CCDC178: variants seen among roughly 807,000 people sequenced by gnomAD.
CCDC178 encodes coiled-coil domain containing 178, also known as coiled-coil domain-containing protein 178.
CCDC178 carries 126 observed loss-of-function variants against 117.4 expected under a neutral mutation model. The observed-to-expected ratio is 1.07, with a 90% CI of 0.93 to 1.24. The LOEUF is 1.24. Ranked by LOEUF, CCDC178 falls within the 50% of genes most tolerant of loss-of-function variation. CCDC178 has a pLI of 0.00. For missense variants in CCDC178, 1,030 were observed against 986.9 expected (o/e 1.04, Z -0.59); for synonymous variants, 283 against 313.4 (o/e 0.90, Z 1.02).
rs537867849 is a variant in CCDC178, at chr18:33,069,203, A to C, written c.2388+23558T>G. 1.7e-4 allele frequency among the ~76,000 whole-genome samples: 26 copies of C among 152,262 alleles called. No individual in the cohort carries two copies. The South Asian group carries it at 5.2e-3, about 30-fold the overall frequency. ...AAAATCCTAAAATTTGTATGAAACA[A>C]AAAAGGCTGAATAGCCAAAGCAATC... On this transcript the variant is annotated intron_variant, in intron 21 of 22. Coordinates refer to ENST00000383096, the MANE Select transcript of CCDC178 (RefSeq NM_001105528.4).
chr18:33,215,062 C>T (rs1451724811), intron 19 of CCDC178, among the ~76,000 whole-genome samples: 4 of 151,906 alleles, frequency 2.6e-5, no homozygotes. Flanking sequence ...TCTCTCAGGA[C>T]TTACTAACCC....
Position 32,988,073 on chromosome 18 carries a change from G to A in CCDC178, c.2389-13392C>T, listed in dbSNP as rs531767512. Among the ~76,000 whole-genome samples, 510 of 99,692 alleles carry A rather than the reference G, an allele frequency of 5.1e-3. 3 individuals carry two copies. Among genetic ancestry groups the A allele is most frequent in the African/African-American group, 0.018 (480 of 27,426 alleles). 65.4% of individuals were successfully genotyped at this position (99,692 alleles called of 152,430 possible). On this transcript the variant is annotated intron_variant, in intron 21 of 22. Transcript: ENST00000383096. ...GCCTGGGCAACAAGAGTGAAAATCC[G>A]TCTCAAAATAATAATAATAATAATA...
Position 33,347,283 on chromosome 18 carries a change from C to T in CCDC178, c.458-872G>A, listed in dbSNP as rs150954917. Among the ~76,000 whole-genome samples, 495 of 152,170 alleles carry T rather than the reference C, an allele frequency of 3.3e-3. 3 individuals carry two copies. The highest frequency in any genetic ancestry group is 0.011 in the African/African-American group (453 of 41,560). ...TAAACTGCACCAAGAAGAAAGAAAA[C>T]GAATACATTTCTTTTTTATGTTGCT... is the stretch of plus-strand genomic sequence containing the variant. On this transcript the variant is annotated intron_variant, in intron 8 of 22. Transcript: ENST00000383096.
chr18:32,975,099 C>A (rs966390765), intron 21 of CCDC178, among the ~76,000 whole-genome samples: 1 of 152,144 alleles, frequency 6.6e-6, no homozygotes, highest in Admixed American at 6.6e-5. Context: ...TTTAAAAATG[C>A]AACTTTAAGA....
intron 14 of CCDC178, among the ~76,000 whole-genome samples, chr18:33,245,869 C>G (rs537627750): frequency 6.6e-6 from 1 of 151,856 alleles, no homozygotes; most frequent in Admixed American, 6.6e-5. Context: ...TGGCACAATT[C>G]TTTTTGTAGG....
At position 33,346,323 on chromosome 18, in the gene CCDC178, T is replaced by C; in HGVS notation, c.546A>G (p.Ala182=). The C allele has an allele frequency of 1.9e-6, 3 of 1,613,646 alleles. No individual in the cohort carries two copies. The highest frequency in any genetic ancestry group is 2.5e-6 in the Non-Finnish European group (3 of 1,179,562). The change falls in exon 9 of 23, where the codon GCA becomes GCG. Residue 182 remains alanine, a synonymous_variant. Coordinates refer to ENST00000383096, the MANE Select transcript of CCDC178 (RefSeq NM_001105528.4). ...GTTGTTTTAAAGCTTCTTCAGCGTC[T>C]GCCCGGTCAGTTTCTAGACTTTTAA... ...RLIKSLETDR[A]DAEEALKQQR... is the part of the protein sequence containing the mutation.
chr18:33,176,557 CCT>C (rs1245351062), intron 20 of CCDC178, among the ~76,000 whole-genome samples: 1 of 152,232 alleles, frequency 6.6e-6, no homozygotes. Flanking sequence ...CATTTTTCCC[CCT>C]CTTTCACTAG....
chr18:33,324,361 T>C lies in CCDC178; in HGVS notation c.880-728A>G, dbSNP rs140612848. Among the ~76,000 whole-genome samples the C allele has an allele frequency of 3.0e-3, 457 of 152,026 alleles. 3 individuals carry two copies. Among genetic ancestry groups the C allele is most frequent in the African/African-American group, 0.011 (439 of 41,576 alleles). ...TCAACAGTACTGTGATGAAGAACCA[T>C]GTAAGGAAATTGCACAATCTATAGT... On this transcript the variant is annotated intron_variant, in intron 10 of 22. Transcript: ENST00000383096.
chr18:33,067,896 C>T (rs779750763), intron 21 of CCDC178, among the ~76,000 whole-genome samples: 25 of 150,954 alleles, frequency 1.7e-4, no homozygotes, highest in African/African-American at 5.3e-4. Flanking sequence ...ATTAAAAAGC[C>T]GGTGTTTGAA....
intron 11 of CCDC178, among the ~76,000 whole-genome samples, chr18:33,302,037 G>T (rs116276740): frequency 6.6e-6 from 1 of 152,182 alleles, no homozygotes; most frequent in Admixed American, 6.5e-5. Flanking sequence ...GGTCATGGGA[G>T]TGGATCCTTC....
chr18:33,198,421 T>G (rs1187926737), intron 20 of CCDC178, among the ~76,000 whole-genome samples: 1 of 152,204 alleles, frequency 6.6e-6, no homozygotes, highest in African/African-American at 2.4e-5. Flanking sequence ...ATTATAATCC[T>G]GTAGCTATCT....
rs534952300 is a variant in CCDC178, at chr18:33,148,205, C to T, written c.2239-55295G>A. Reference sequence around the variant, plus strand: ...GGGAGGCCGAGGCTGGCAGATCACTCGCGGTTAGGAGCTGGAGACCAGCCC... The same window carrying T: ...GGGAGGCCGAGGCTGGCAGATCACTTGCGGTTAGGAGCTGGAGACCAGCCC... On this transcript the variant is annotated intron_variant, in intron 20 of 22. Coordinates refer to ENST00000383096, the MANE Select transcript of CCDC178 (RefSeq NM_001105528.4). Among the ~76,000 whole-genome samples the T allele has an allele frequency of 1.3e-3, 192 of 152,352 alleles. 1 individual carries two copies. Among genetic ancestry groups the T allele is most frequent in the Non-Finnish European group, 2.0e-3 (134 of 68,036 alleles).
intron 20 of CCDC178, among the ~76,000 whole-genome samples, chr18:33,182,221 C>T (rs574835164): frequency 2.6e-5 from 4 of 151,956 alleles, no homozygotes; most frequent in African/African-American, 9.6e-5. Flanking sequence ...TCCTTCAAGA[C>T]TAAGGCTGAA....
At chr18:33,218,328 T>C (rs2059192328) in intron 18 of CCDC178, among the ~76,000 whole-genome samples, 1 of 152,190 alleles carries the variant, frequency 6.6e-6, no homozygotes. Flanking sequence ...TTTGTTTAAG[T>C]TCTTTGTAGA....
At chr18:33,309,465 CTT>C (rs1357863052) in intron 11 of CCDC178, among the ~76,000 whole-genome samples, 1 of 151,968 alleles carries the variant, frequency 6.6e-6, no homozygotes, top group Non-Finnish European at 1.5e-5. Context: ...TGTAGAAAAA[CTT>C]TGTGTAATTC....
chr18:33,095,501 T>C (rs1462195954), intron 20 of CCDC178, among the ~76,000 whole-genome samples: 2 of 152,008 alleles, frequency 1.3e-5, no homozygotes, highest in Non-Finnish European at 2.9e-5. Flanking sequence ...AAAATCTAGA[T>C]TGTAGGTTCC....
At chr18:32,999,881 C>G (rs2055596597) in intron 21 of CCDC178, among the ~76,000 whole-genome samples, 1 of 151,968 alleles carries the variant, frequency 6.6e-6, no homozygotes, top group Non-Finnish European at 1.5e-5. Flanking sequence ...CCAAGTAGAA[C>G]AGGTACAAAC....
At chr18:32,993,507 C>T (rs1189341287) in intron 21 of CCDC178, among the ~76,000 whole-genome samples, 1 of 152,216 alleles carries the variant, frequency 6.6e-6, no homozygotes, top group Non-Finnish European at 1.5e-5. Flanking sequence ...CTGTACACTG[C>T]CACTTCAATA....
At chr18:33,221,723 A>G (rs77611407) in intron 18 of CCDC178, among the ~76,000 whole-genome samples, 1,812 of 152,258 alleles carry the variant, frequency 0.012, 21 homozygotes, top group Non-Finnish European at 0.02. Flanking sequence ...AAGCCAGTGA[A>G]GGTCTTTTCC....
Sources: gnomAD v4.1 joint callset for allele counts (sites outside exome capture counted in the v4.1 genomes callset) on GRCh38, gnomAD v4.1.1 for gene constraint, MANE v1.5 for transcripts, NCBI Gene and HGNC (gene_info 2026-07-23, HGNC 2026-07-21) for gene names.